ABCA3: variants seen among roughly 807,000 people sequenced by gnomAD.
The protein encoded by ABCA3 is phospholipid-transporting ATPase ABCA3.
In ABCA3, 88 loss-of-function variants were observed where a neutral mutation model predicts 172.8. The observed-to-expected ratio is 0.51, with a 90% confidence interval of 0.43 to 0.61. ABCA3 has a LOEUF of 0.61. ABCA3 is among the 20% of genes least tolerant of loss of function. The probability of loss-of-function intolerance (pLI) is 0.00; values close to 1 mark genes in which losing one functional copy is unlikely to be tolerated. For synonymous variants in ABCA3, 1,066 were observed against 983.8 expected, an observed-to-expected ratio of 1.08 and a Z score of -1.56; for missense variants, 2,164 against 2,301.0, an observed-to-expected ratio of 0.94 and a Z score of 1.22.
rs768088208 is a variant in ABCA3, at chr16:2,295,707, G to A, written c.2297C>T (p.Pro766Leu). 8.7e-6 allele frequency: 14 copies of A among 1,613,896 alleles called. No individual in the cohort carries two copies. Among genetic ancestry groups the A allele is most frequent in the African/African-American group, 2.7e-5 (2 of 74,930 alleles). ...AGYHMTLVKE[P>L]HCNPEDISQL... is the part of the protein sequence containing the mutation. The stretch of plus-strand genomic sequence containing the variant: ...GGAGATGTCTTCCGGGTTGCAGTGC[G>A]GCTCCTTCACCAGCGTCATGTGATA... Residue 766 changes from proline to leucine, a missense_variant, in exon 18 of 33, where the codon CCG becomes CTG. Physicochemically the swap from Pro to Leu is moderately conservative, Grantham distance 98. Coordinates refer to ENST00000301732, the MANE Select transcript of ABCA3 (RefSeq NM_001089.3).
chr16:2,283,614 G>C lies in ABCA3; in HGVS notation c.3863-256C>G. 1 of 501,110 alleles carries C rather than the reference G, an allele frequency of 2.0e-6. No individual in the cohort carries two copies. The highest frequency in any genetic ancestry group is 3.3e-5 in the Admixed American group (1 of 30,528). The allele number at this position is 501,110 out of a possible 1,614,324, so 31.0% of individuals were successfully genotyped here. A position where few individuals can be genotyped will look rare whatever the true frequency, so the allele number is the denominator to read the frequency against. On this transcript the variant is annotated intron_variant, in intron 25 of 32. Coordinates refer to ENST00000301732, the MANE Select transcript of ABCA3 (RefSeq NM_001089.3). This position sits in a 1 kb window ranked among gnomAD's most constrained non-coding sequence, Gnocchi z 5.4. The stretch of plus-strand genomic sequence containing the variant: ...CAGGGCAGCAACAGCCCGCCTGAGA[G>C]GCACAGGCTCTGCGTGAATCCTGGG...
chr16:2,292,602 A>T (rs527435183), intron 18 of ABCA3, among the ~76,000 whole-genome samples: 67 of 152,036 alleles, frequency 4.4e-4, no homozygotes, highest in African/African-American at 1.5e-3. Flanking sequence ...CTGTCTCAAA[A>T]AAATAAATAA....
At chr16:2,292,299 T>C in intron 18 of ABCA3, 61 bp from the exon 19 acceptor site, 1 of 1,453,304 alleles carries the variant, frequency 6.9e-7, no homozygotes, top group Non-Finnish European at 9.6e-7. Flanking sequence ...AATTTGTTCC[T>C]AAAGCATCAC....
Position 2,286,679 on chromosome 16 carries a change from G to A in ABCA3, c.3278+15C>T, listed in dbSNP as rs778536870. 2.2e-5 allele frequency: 36 copies of A among 1,612,260 alleles called. 1 individual carries two copies. The highest frequency in any genetic ancestry group is 1.3e-4 in the South Asian group (12 of 90,998). ...GGCTCTGGCCAGGGCAGACAGGGACGGGCAGTGCACATACTCGTTAAACTG... is the reference window on the plus strand; with the variant it reads ...GGCTCTGGCCAGGGCAGACAGGGACAGGCAGTGCACATACTCGTTAAACTG... On this transcript the variant is annotated intron_variant, in intron 22 of 32. Coordinates refer to ENST00000301732, the MANE Select transcript of ABCA3 (RefSeq NM_001089.3). The surrounding 1 kb of genome is among the most constrained non-coding windows in gnomAD (Gnocchi z 5.2).
chr16:2,283,992 CCT>C lies in ABCA3; in HGVS notation c.3862+285_3862+286del. On this transcript the variant is annotated intron_variant, in intron 25 of 32. Coordinates refer to ENST00000301732, the MANE Select transcript of ABCA3 (RefSeq NM_001089.3). This position sits in a 1 kb window ranked among gnomAD's most constrained non-coding sequence, Gnocchi z 5.4. The stretch of plus-strand genomic sequence containing the variant: ...ATGGGAGAAGCAGGAAGGGTCCTCC[CCT>C]GAGCCATGGGGGATTCACTCCTCGT... 1 of 382,870 alleles carries C rather than the reference CCT, an allele frequency of 2.6e-6. No individual in the cohort carries two copies. The highest frequency in any genetic ancestry group is 4.9e-6 in the Non-Finnish European group (1 of 204,966). 23.7% of individuals were successfully genotyped at this position (382,870 alleles called of 1,614,324 possible).
intron 10 of ABCA3, among the ~76,000 whole-genome samples, chr16:2,315,538 A>C (rs2093713874): frequency 6.6e-6 from 1 of 150,704 alleles, no homozygotes. Flanking sequence ...GCCCACTAGA[A>C]GAACTACTCA....
intron 8 of ABCA3, among the ~76,000 whole-genome samples, chr16:2,319,257 G>A (rs374253027): frequency 2.0e-4 from 31 of 152,064 alleles, no homozygotes; most frequent in African/African-American, 6.3e-4. Context: ...AGGCCGAGGC[G>A]GGCGGATCAC....
In ABCA3 at chr16:2,297,298, G is replaced by T; in HGVS notation, c.2263+31C>A. 4 of 1,605,410 alleles carry T rather than the reference G, an allele frequency of 2.5e-6. No individual in the cohort carries two copies. The highest frequency in any genetic ancestry group is 1.1e-5 in the South Asian group (1 of 90,824). ...CCCTCAGCACGGCAGCCAGGACACCGACCCTGTCGCGGGCTGGCCCCACCG... is the reference window on the plus strand; with the variant it reads ...CCCTCAGCACGGCAGCCAGGACACCTACCCTGTCGCGGGCTGGCCCCACCG... On this transcript the variant is annotated intron_variant, in intron 17 of 32. Coordinates refer to ENST00000301732, the MANE Select transcript of ABCA3 (RefSeq NM_001089.3). This position sits in a 1 kb window ranked among gnomAD's most constrained non-coding sequence, Gnocchi z 5.6.
Position 2,287,894 on chromosome 16 carries a change from C to A in ABCA3, c.3004+132G>T. On this transcript the variant is annotated intron_variant, in intron 21 of 32. Transcript: ENST00000301732. The surrounding 1 kb of genome is among the most constrained non-coding windows in gnomAD (Gnocchi z 4.1). The stretch of plus-strand genomic sequence containing the variant: ...GGGCAAGGTCAGGGATGCTGCTGAA[C>A]CTCCCTCAGTACATTCGGAACAGCC... 1 of 1,155,870 alleles carries A rather than the reference C, an allele frequency of 8.7e-7. No individual in the cohort carries two copies. The highest frequency in any genetic ancestry group is 1.2e-6 in the Non-Finnish European group (1 of 813,974). 71.6% of individuals were successfully genotyped at this position (1,155,870 alleles called of 1,614,324 possible).
chr16:2,299,977 C>G, intron 13 of ABCA3, 28 bp downstream of exon 13: 1 of 1,611,260 alleles, frequency 6.2e-7, no homozygotes, highest in South Asian at 1.1e-5. Context: ...GCAGCCCCGG[C>G]CCTCCCTGTC....
chr16:2,298,359 C>G, intron 15 of ABCA3, 27 bp downstream of exon 15: 1 of 1,613,790 alleles, frequency 6.2e-7, no homozygotes, highest in South Asian at 1.1e-5. Flanking sequence ...TGGAAACACC[C>G]CTGCACACCC....
chr16:2,310,947 C>T (rs2093705727), intron 10 of ABCA3, among the ~76,000 whole-genome samples: 2 of 152,090 alleles, frequency 1.3e-5, no homozygotes, highest in South Asian at 4.2e-4. Flanking sequence ...CTCATATCTG[C>T]CTATTTACTC....
At position 2,284,392 on chromosome 16, in the gene ABCA3, AG is replaced by A; in HGVS notation, c.3748del (p.Leu1250TrpfsTer96). ...ELSKTLDHVF[L>X]VLPNHCLGMA... Reference sequence around the variant, plus strand: ...CCCCAGACAGTGGTTGGGCAGCACCAGGAACACGTGATCCAGGGTTTTGGAA... The same window carrying A: ...CCCCAGACAGTGGTTGGGCAGCACCAGAACACGTGATCCAGGGTTTTGGAA... On this transcript the variant is annotated frameshift_variant, in exon 25 of 33. Coordinates refer to ENST00000301732, the MANE Select transcript of ABCA3 (RefSeq NM_001089.3). LOFTEE classifies it high-confidence loss of function. This position sits in a 1 kb window ranked among gnomAD's most constrained non-coding sequence, Gnocchi z 5.9. 1 of 1,613,992 alleles carries A rather than the reference AG, an allele frequency of 6.2e-7. No individual in the cohort carries two copies. The highest frequency in any genetic ancestry group is 8.5e-7 in the Non-Finnish European group (1 of 1,180,006).
rs534084054 is a variant in ABCA3, at chr16:2,326,455, G to A, written c.12C>T (p.Leu4=). The A allele has an allele frequency of 7.4e-6, 12 of 1,611,914 alleles. No individual in the cohort carries two copies. The South Asian group carries it at 1.1e-4, about 15-fold the overall frequency. ...TCCAGAGGAGGAGCGCCAGCTGCCT[G>A]AGCACAGCCATCGTCTTGCTGAAAG... MAV[L]RQLALLLWKN... The change falls in exon 4 of 33, where the codon CTC becomes CTT. Residue 4 remains leucine (L), a synonymous_variant. Transcript: ENST00000301732.
Position 2,284,715 on chromosome 16 carries a change from C to T in ABCA3, c.3703+64G>A. On this transcript the variant is annotated intron_variant, in intron 24 of 32. Transcript: ENST00000301732. This position sits in a 1 kb window ranked among gnomAD's most constrained non-coding sequence, Gnocchi z 5.9. ...CCGCCTCGGCTGTGGCTGGTGCCTC[C>T]CTGTCTGGGCGGAGTGGCTCCGTGG... The T allele has an allele frequency of 1.3e-6, 2 of 1,538,046 alleles. No individual in the cohort carries two copies. The highest frequency in any genetic ancestry group is 1.2e-5 in the South Asian group (1 of 86,520).
chr16:2,319,565 CA>C lies in ABCA3; in HGVS notation c.873+15del, dbSNP rs1376472582. On this transcript the variant is annotated intron_variant, in intron 8 of 32. Coordinates refer to ENST00000301732, the MANE Select transcript of ABCA3 (RefSeq NM_001089.3). ...CGCGGTTTCTAGAGTGTTGGGGAGC[CA>C]AAGCGGGCAGTCACCTTCAGCCTCC... The C allele has an allele frequency of 1.2e-6, 2 of 1,608,470 alleles. No individual in the cohort carries two copies. Among genetic ancestry groups the C allele is most frequent in the Non-Finnish European group, 1.7e-6 (2 of 1,179,816 alleles).
chr16:2,331,037 T>A (rs1401674299), intron 1 of ABCA3, among the ~76,000 whole-genome samples: 1 of 152,090 alleles, frequency 6.6e-6, no homozygotes, highest in Admixed American at 6.6e-5. Flanking sequence ...TTGGCTTGTT[T>A]TAACTTCCAA....
chr16:2,298,965 T>C (rs1243470096), intron 14 of ABCA3, among the ~76,000 whole-genome samples: 1 of 152,106 alleles, frequency 6.6e-6, no homozygotes, highest in East Asian at 1.9e-4. Flanking sequence ...TCCTGCGTGG[T>C]GGCCTCTGTT....
chr16:2,296,327 T>C (rs990878155), intron 17 of ABCA3, among the ~76,000 whole-genome samples: 10 of 152,116 alleles, frequency 6.6e-5, no homozygotes, highest in African/African-American at 2.2e-4. Flanking sequence ...CCCTCCTTGG[T>C]TCAAGTACTT....
Sources: gnomAD v4.1 joint callset for allele counts (sites outside exome capture counted in the v4.1 genomes callset) on GRCh38, gnomAD v4.1.1 for gene constraint, Gnocchi (gnomAD v3.1) non-coding constraint, MANE v1.5 for transcripts, NCBI Gene and HGNC (gene_info 2026-07-23, HGNC 2026-07-21) for gene names.